CYP39A1: variants seen among roughly 807,000 people sequenced by gnomAD.
CYP39A1 encodes the protein cytochrome P450 family 39 subfamily A member 1.
Under a neutral mutation model 58.1 loss-of-function variants are expected in CYP39A1, and 49 were observed. That is an observed-to-expected ratio of 0.84 (90% CI 0.67 to 1.07). The LOEUF (loss-of-function observed/expected upper bound fraction) is 1.07. Among genes scored for constraint, CYP39A1 ranks in the 50% least tolerant of loss-of-function variants. The pLI, the probability that CYP39A1 is intolerant of heterozygous loss-of-function variation, is 0.00. For synonymous variants in CYP39A1, 209 were observed against 187.6 expected (o/e 1.11, Z -0.93); for missense variants, 531 against 539.4 (o/e 0.98, Z 0.16).
At position 46,637,858 on chromosome 6, in the gene CYP39A1, A is replaced by G. The variant is rs778834551; in HGVS notation, c.609T>C (p.Tyr203=). ...YFQVYDEDFE[Y]GSQLPECLLR... is the part of the protein sequence containing the mutation. ...GAAGACACTCTGGCAACTGGGACCCATACTCAAAATCTTCATCATAAACTT... is the reference window on the plus strand; with the variant it reads ...GAAGACACTCTGGCAACTGGGACCCGTACTCAAAATCTTCATCATAAACTT... The change falls in exon 4 of 12, where the codon TAT becomes TAC. Residue 203 remains tyrosine, a synonymous_variant. Transcript: ENST00000275016. The G allele has an allele frequency of 4.3e-6, 7 of 1,612,378 alleles. No homozygotes were observed. Among genetic ancestry groups the G allele is most frequent in the Admixed American group, 3.4e-5 (2 of 59,610 alleles).
chr6:46,642,888 G>A (rs1260092663), intron 1 of CYP39A1, among the ~76,000 whole-genome samples: 1 of 152,096 alleles, frequency 6.6e-6, no homozygotes, highest in Non-Finnish European at 1.5e-5. Context: ...TCAGTTTCTC[G>A]CTACTAAATC....
At chr6:46,564,278 G>A (rs1395562258) in intron 10 of CYP39A1, among the ~76,000 whole-genome samples, 1 of 149,796 alleles carries the variant, frequency 6.7e-6, no homozygotes. Context: ...TGCAATCTCT[G>A]CCTCAGGGGT....
At chr6:46,644,205 T>C (rs937511439) in intron 1 of CYP39A1, among the ~76,000 whole-genome samples, 1 of 152,238 alleles carries the variant, frequency 6.6e-6, no homozygotes, top group Non-Finnish European at 1.5e-5. Flanking sequence ...TGAATTTCAC[T>C]ATGTCATATA....
intron 10 of CYP39A1, chr6:46,586,154 C>T (rs994673471): frequency 1.1e-6 from 1 of 898,604 alleles, no homozygotes; most frequent in African/African-American, 1.8e-5. Flanking sequence ...TACTAATACT[C>T]TAAACACATG....
At chr6:46,578,459 G>A (rs191181545) in intron 10 of CYP39A1, among the ~76,000 whole-genome samples, 87 of 151,568 alleles carry the variant, frequency 5.7e-4, no homozygotes, top group African/African-American at 1.9e-3. Flanking sequence ...AAATCGAGAC[G>A]CAAAAATCCA....
At chr6:46,596,633 T>C (rs1436471093) in intron 7 of CYP39A1, among the ~76,000 whole-genome samples, 1 of 151,886 alleles carries the variant, frequency 6.6e-6, no homozygotes, top group African/African-American at 2.4e-5. Flanking sequence ...GGCACAAGTA[T>C]CTGAGCTGGA....
chr6:46,553,581 T>C (rs1770521718), intron 11 of CYP39A1, among the ~76,000 whole-genome samples, 186 bp downstream of exon 11: 1 of 152,210 alleles, frequency 6.6e-6, no homozygotes, highest in South Asian at 2.1e-4. Flanking sequence ...ATTGGGTACA[T>C]AGATTAGATC....
chr6:46,626,417 G>T (rs1775311188), intron 6 of CYP39A1, among the ~76,000 whole-genome samples: 2 of 151,946 alleles, frequency 1.3e-5, no homozygotes. Context: ...GCAATATTTT[G>T]ACTAAATTTA....
intron 7 of CYP39A1, among the ~76,000 whole-genome samples, chr6:46,611,600 C>T (rs767790725): frequency 9.9e-5 from 15 of 152,086 alleles, no homozygotes; most frequent in Non-Finnish European, 1.2e-4. Flanking sequence ...AAGTGCTTCT[C>T]TCATATTTTA....
intron 10 of CYP39A1, among the ~76,000 whole-genome samples, chr6:46,564,910 C>T (rs561750216): frequency 2.6e-5 from 4 of 152,256 alleles, no homozygotes; most frequent in South Asian, 4.1e-4. Context: ...TTCATTGAAG[C>T]GCAGCTATCA....
At chr6:46,599,908 C>G (rs946385561) in intron 7 of CYP39A1, among the ~76,000 whole-genome samples, 2 of 152,064 alleles carry the variant, frequency 1.3e-5, no homozygotes, top group African/African-American at 4.8e-5. Context: ...GTCTTGCCAT[C>G]GCAGAAAATG....
At chr6:46,614,499 T>C (rs988889118) in intron 7 of CYP39A1, among the ~76,000 whole-genome samples, 7 of 152,178 alleles carry the variant, frequency 4.6e-5, no homozygotes, top group Admixed American at 3.9e-4. Flanking sequence ...AAAAGTCCAC[T>C]GTACATTGAT....
chr6:46,566,804 T>C (rs566493853), intron 10 of CYP39A1, among the ~76,000 whole-genome samples: 66 of 151,776 alleles, frequency 4.3e-4, no homozygotes, highest in African/African-American at 1.6e-3. Flanking sequence ...ATAAGAATTA[T>C]ATATATATTT....
At chr6:46,612,757 C>A (rs1774290912) in intron 7 of CYP39A1, among the ~76,000 whole-genome samples, 1 of 152,234 alleles carries the variant, frequency 6.6e-6, no homozygotes, top group South Asian at 2.1e-4. Context: ...CTTGGCTCTG[C>A]TCCTTGATCT....
chr6:46,611,791 A>C (rs1157492389), intron 7 of CYP39A1, among the ~76,000 whole-genome samples: 3 of 152,224 alleles, frequency 2.0e-5, no homozygotes, highest in African/African-American at 7.2e-5. Flanking sequence ...ATTTTGATCT[A>C]GAAATACCCT....
intron 7 of CYP39A1, among the ~76,000 whole-genome samples, chr6:46,597,241 G>A (rs991240185): frequency 1.3e-5 from 2 of 152,112 alleles, no homozygotes; most frequent in Non-Finnish European, 2.9e-5. Context: ...GTAGGGACCA[G>A]GAGCTGAGAC....
At chr6:46,599,111 C>T (rs969753977) in intron 7 of CYP39A1, among the ~76,000 whole-genome samples, 1 of 152,062 alleles carries the variant, frequency 6.6e-6, no homozygotes, top group African/African-American at 2.4e-5. Context: ...GGAATTCCTT[C>T]CATTATTTGT....
chr6:46,607,675 A>C (rs1277071681), intron 7 of CYP39A1, among the ~76,000 whole-genome samples: 1 of 152,202 alleles, frequency 6.6e-6, no homozygotes, highest in African/African-American at 2.4e-5. Flanking sequence ...CATAATTTCA[A>C]GGAGACTGAA....
intron 10 of CYP39A1, 143 bp from the exon 11 acceptor site, chr6:46,553,997 T>A: frequency 1.6e-6 from 1 of 617,578 alleles, no homozygotes; most frequent in Non-Finnish European, 2.8e-6. Flanking sequence ...AAGGACAGAG[T>A]AAGAACTTAA....
Sources: gnomAD v4.1 joint callset for allele counts (sites outside exome capture counted in the v4.1 genomes callset) on GRCh38, gnomAD v4.1.1 for gene constraint, MANE v1.5 for transcripts, NCBI Gene and HGNC (gene_info 2026-07-23, HGNC 2026-07-21) for gene names.